Variants in SCNN1B observed in about 807,000 individuals in gnomAD.
SCNN1B encodes the protein sodium channel epithelial 1 subunit beta.
In SCNN1B, 46 loss-of-function variants were observed where a neutral mutation model predicts 65.3. That is an observed-to-expected ratio of 0.70 (90% confidence interval 0.56 to 0.90). The LOEUF is 0.90. Ranked by LOEUF, SCNN1B falls within the 40% of genes least tolerant of loss-of-function variation. The probability of loss-of-function intolerance (pLI) is 0.00; values close to 1 mark genes in which losing one functional copy is unlikely to be tolerated. For synonymous variants in SCNN1B, 349 were observed against 330.6 expected (o/e 1.06, Z -0.60); for missense variants, 751 against 830.5 (o/e 0.90, Z 1.18).
chr16:23,378,651 G>A (rs1962964527), intron 10 of SCNN1B, 55 bp from the exon 11 acceptor site: 2 of 1,531,218 alleles, frequency 1.3e-6, no homozygotes, highest in Non-Finnish European at 1.8e-6. Context: ...ACAGAGCCAT[G>A]ACTGGGAGGG....
At chr16:23,359,325 A>G (rs1033513468) in intron 4 of SCNN1B, 7 of 152,100 alleles carry the variant, frequency 4.6e-5, no homozygotes, top group South Asian at 4.1e-4. Context: ...GGCCAGGCCC[A>G]CCCCGCATCA....
chr16:23,381,030 G>C lies in SCNN1B; in HGVS notation c.*229G>C, dbSNP rs934280988. 2 of 607,862 alleles carry C rather than the reference G, an allele frequency of 3.3e-6. No individual in the cohort carries two copies. The highest frequency in any genetic ancestry group is 5.6e-5 in the East Asian group (2 of 35,554). 37.7% of individuals were successfully genotyped at this position (607,862 alleles called of 1,614,324 possible). The stretch of plus-strand genomic sequence containing the variant: ...CAGGAATAAATTGTATCTTCACCTG[G>C]TTCCTACCCTCGTCCCTACCTGTCC... On this transcript the variant is annotated 3_prime_UTR_variant, in exon 13 of 13. Coordinates refer to ENST00000343070, the MANE Select transcript of SCNN1B (RefSeq NM_000336.3).
intron 1 of SCNN1B, among the ~76,000 whole-genome samples, chr16:23,326,683 G>C (rs1961704186): frequency 6.6e-6 from 1 of 152,094 alleles, no homozygotes; most frequent in African/African-American, 2.4e-5. Context: ...GGCCAGCCTG[G>C]TTTCAAACTC....
chr16:23,295,915 T>G (rs770722892), intron 2 of SCNN1B, among the ~76,000 whole-genome samples: 3 of 152,174 alleles, frequency 2.0e-5, no homozygotes, highest in Non-Finnish European at 4.4e-5. Context: ...ATTAAATTTT[T>G]AGTCTGAGCG....
rs1305365155 is a variant in SCNN1B at position 23,305,581 on chromosome 16, A to AAATAT, written c.-9+3144_-9+3145insAATAT. Among the ~76,000 whole-genome samples the AAATAT allele has an allele frequency of 2.8e-3, 92 of 33,394 alleles. 2 individuals carry two copies. Among genetic ancestry groups the AAATAT allele is most frequent in the African/African-American group, 0.015 (86 of 5,626 alleles). 21.9% of individuals were successfully genotyped at this position (33,394 alleles called of 152,430 possible). A position where few individuals can be genotyped will look rare whatever the true frequency, so the allele number is the denominator to read the frequency against. On this transcript the variant is annotated intron_variant, in intron 1 of 12. Transcript: ENST00000343070. ...ATATATATATATATATATATATTAT[A>AAATAT]TATATATATATATATATAACCTGGG...
chr16:23,284,624 G>A (rs1376409664), intron 2 of SCNN1B, among the ~76,000 whole-genome samples: 1 of 152,132 alleles, frequency 6.6e-6, no homozygotes, highest in East Asian at 1.9e-4. Flanking sequence ...TCTTAACCCA[G>A]AGGGAGCAAC....
chr16:23,370,974 G>A (rs1037617090), intron 5 of SCNN1B, among the ~76,000 whole-genome samples: 2 of 152,228 alleles, frequency 1.3e-5, no homozygotes, highest in African/African-American at 4.8e-5. Context: ...CGGGGACAGC[G>A]AGGGCACCTG....
In SCNN1B at chr16:23,377,248, C is replaced by T. The variant is rs200714599; in HGVS notation, c.1346+8C>T. On this transcript the variant is annotated splice_region_variant and intron_variant, in intron 9 of 12. Transcript: ENST00000343070. The stretch of plus-strand genomic sequence containing the variant: ...GTGCAAGGAGTCCTGCAAGTGAGTG[C>T]GGGTGGGCGGGCACAGCAGCGGGCA... The T allele has an allele frequency of 6.9e-4, 1,116 of 1,614,026 alleles. No homozygotes were observed. Among genetic ancestry groups the T allele is most frequent in the Non-Finnish European group, 8.7e-4 (1,029 of 1,179,930 alleles).
At position 23,380,140 on chromosome 16, in the gene SCNN1B, C is replaced by G; in HGVS notation, c.1513C>G (p.Arg505Gly). The change falls in exon 12 of 13, where the codon CGC becomes GGC. Residue 505 changes from arginine to glycine, a missense_variant. Physicochemically the swap from Arg to Gly is moderately radical, Grantham distance 125 (BLOSUM62 -2). Transcript: ENST00000343070. The surrounding 1 kb of genome is among the most constrained non-coding windows in gnomAD (Gnocchi z 5.4). The part of the protein sequence containing the change: ...LNIYFQEFNY[R>G]TIEESAANNI... ...CATCTACTTCCAAGAATTTAACTATCGCACCATTGAAGAATCAGCAGCCAA... is the reference window on the plus strand; with the variant it reads ...CATCTACTTCCAAGAATTTAACTATGGCACCATTGAAGAATCAGCAGCCAA... 1 of 1,614,064 alleles carries G rather than the reference C, an allele frequency of 6.2e-7. No individual in the cohort carries two copies. The highest frequency in any genetic ancestry group is 8.5e-7 in the Non-Finnish European group (1 of 1,179,976).
At chr16:23,371,490 A>G (rs376946526) in intron 6 of SCNN1B, 28 bp downstream of exon 6, 4 of 1,610,740 alleles carry the variant, frequency 2.5e-6, no homozygotes, top group Non-Finnish European at 2.5e-6. Context: ...GGGCAGTCCT[A>G]GAGGGTCTGA....
At chr16:23,355,628 T>G (rs1962405163) in intron 4 of SCNN1B, 139 bp downstream of exon 4, 1 of 862,044 alleles carries the variant, frequency 1.2e-6, no homozygotes. Flanking sequence ...TTTCTGTGCC[T>G]CGGTGTCTTT....
At chr16:23,334,573 T>C (rs574936353) in intron 1 of SCNN1B, among the ~76,000 whole-genome samples, 1 of 152,228 alleles carries the variant, frequency 6.6e-6, no homozygotes, top group African/African-American at 2.4e-5. Flanking sequence ...ACTGCCCTAG[T>C]CCTGCCTTAA....
rs917550304 is a variant in SCNN1B at position 23,355,630 on chromosome 16, G to A, written c.776+141G>A. 61 of 858,310 alleles carry A rather than the reference G, an allele frequency of 7.1e-5. No homozygotes were observed. In the Admixed American group the frequency reaches 9.6e-4, roughly 14 times the overall value. The allele number at this position is 858,310 out of a possible 1,614,324, so 53.2% of individuals were successfully genotyped here. ...TCTGCAGCACAGTTTTCTGTGCCTCGGTGTCTTTTAGGTCCTGTTTCCTGG... is the reference window on the plus strand; with the variant it reads ...TCTGCAGCACAGTTTTCTGTGCCTCAGTGTCTTTTAGGTCCTGTTTCCTGG... On this transcript the variant is annotated intron_variant, in intron 4 of 12. Transcript: ENST00000343070.
intron 4 of SCNN1B, among the ~76,000 whole-genome samples, chr16:23,357,473 CT>C (rs1962444310): frequency 1.3e-5 from 2 of 152,190 alleles, no homozygotes; most frequent in Non-Finnish European, 2.9e-5. Flanking sequence ...ATCCCAGCTA[CT>C]TGGGAGGCTG....
chr16:23,352,506 T>G (rs1224855899), intron 2 of SCNN1B, among the ~76,000 whole-genome samples: 1 of 152,190 alleles, frequency 6.6e-6, no homozygotes, highest in African/African-American at 2.4e-5. Context: ...ATCTGATGGT[T>G]TTAAAGTGGC....
At chr16:23,345,009 AAGAG>A (rs112886828) in intron 1 of SCNN1B, among the ~76,000 whole-genome samples, 1,516 of 148,846 alleles carry the variant, frequency 0.01, 21 homozygotes, top group African/African-American at 0.034. Context: ...AGGAGAGAGA[AAGAG>A]AGAGAGAGAG....
intron 1 of SCNN1B, among the ~76,000 whole-genome samples, chr16:23,316,133 C>T (rs548870053): frequency 9.6e-4 from 126 of 130,786 alleles, no homozygotes; most frequent in African/African-American, 3.5e-3. Flanking sequence ...CATCACTATC[C>T]TCACCACCAT....
rs199741988 is a variant in SCNN1B, at chr16:23,350,916, T to TA, written c.312-1877dup. On this transcript the variant is annotated intron_variant, in intron 2 of 12. Coordinates refer to ENST00000343070, the MANE Select transcript of SCNN1B (RefSeq NM_000336.3). ...TGACAGAGCAAGACCTTGTCTCAAT[T>TA]AAAAAAAAGAAAAGAAAGAAAGCAA... Among the ~76,000 whole-genome samples the TA allele has an allele frequency of 8.2e-3, 1,228 of 150,170 alleles. 15 individuals carry two copies. The highest frequency in any genetic ancestry group is 0.032 in the East Asian group (162 of 5,016).
chr16:23,352,994 G>A lies in SCNN1B; in HGVS notation c.505G>A (p.Asp169Asn). ...CCCCATGGTCCTTGATCTCTTTGGA[G>A]ACAACCACAATGGCTTAACAAGCAG... is the stretch of plus-strand genomic sequence containing the variant. ...HHPMVLDLFGDNHNGLTSSSA... is the reference protein window; with the variant it reads ...HHPMVLDLFGNNHNGLTSSSA... The change falls in exon 3 of 13, where the codon GAC becomes AAC. Residue 169 changes from aspartate (D) to asparagine (N), a missense_variant. Transcript: ENST00000343070. The A allele has an allele frequency of 6.2e-7, 1 of 1,614,164 alleles. No individual in the cohort carries two copies. Among genetic ancestry groups the A allele is most frequent in the Non-Finnish European group, 8.5e-7 (1 of 1,180,050 alleles).
Sources: gnomAD v4.1 joint callset for allele counts (sites outside exome capture counted in the v4.1 genomes callset) on GRCh38, gnomAD v4.1.1 for gene constraint, Gnocchi (gnomAD v3.1) non-coding constraint, MANE v1.5 for transcripts, NCBI Gene and HGNC (gene_info 2026-07-23, HGNC 2026-07-21) for gene names.